The following MAF variants were observed in gnomAD, a reference collection of about 807,000 sequenced individuals.
MAF encodes transcription factor Maf.
MAF carries 10 observed loss-of-function variants against 22.0 expected under a neutral mutation model. The observed-to-expected ratio is 0.45, with a 90% CI of 0.28 to 0.77. The LOEUF (loss-of-function observed/expected upper bound fraction) is 0.77, where lower values mean the gene tolerates loss of function less well. MAF is among the 30% of genes least tolerant of loss of function. MAF has a pLI of 0.12. For missense variants in MAF, 544 were observed against 548.4 expected (o/e 0.99, Z 0.08); for synonymous variants, 337 against 255.8 (o/e 1.32, Z -3.03).
chr16:79,537,104 G>C, the MAF span, among the ~76,000 whole-genome samples: 3 of 152,136 alleles, frequency 2.0e-5, no homozygotes, highest in Admixed American at 2.0e-4. Context: ...GTGAGATCCT[G>C]GGAAGACTAC....
the MAF span, among the ~76,000 whole-genome samples, chr16:79,337,331 C>G: frequency 1.3e-5 from 2 of 152,052 alleles, no homozygotes; most frequent in Admixed American, 1.3e-4. Flanking sequence ...CAGCACTTTG[C>G]GAGGCCGAGG....
At chr16:79,502,203 G>A in the MAF span, among the ~76,000 whole-genome samples, 1 of 152,134 alleles carries the variant, frequency 6.6e-6, no homozygotes, top group Non-Finnish European at 1.5e-5. Flanking sequence ...GGCTCCTGAG[G>A]CCCGGCTACT....
chr16:79,242,039 G>T, the MAF span, among the ~76,000 whole-genome samples: 4 of 152,138 alleles, frequency 2.6e-5, no homozygotes, highest in East Asian at 7.7e-4. Context: ...GCTCCTGAAG[G>T]AAGCACTAAA....
chr16:79,298,362 C>T, the MAF span, among the ~76,000 whole-genome samples: 43 of 152,324 alleles, frequency 2.8e-4, no homozygotes, highest in South Asian at 4.3e-3. Flanking sequence ...CTCTTGTTTG[C>T]AAGGCTTGAA....
At chr16:79,503,751 A>T in the MAF span, among the ~76,000 whole-genome samples, 1 of 152,192 alleles carries the variant, frequency 6.6e-6, no homozygotes, top group East Asian at 1.9e-4. Context: ...GTGTGGCCCA[A>T]TCAGAGCAAC....
chr16:79,448,862 A>C, the MAF span, among the ~76,000 whole-genome samples: 1 of 152,126 alleles, frequency 6.6e-6, no homozygotes, highest in Non-Finnish European at 1.5e-5. Context: ...ATGGAAGATA[A>C]TATTTTCCCA....
chr16:79,556,199 C>G, the MAF span, among the ~76,000 whole-genome samples: 1 of 152,206 alleles, frequency 6.6e-6, no homozygotes, highest in Non-Finnish European at 1.5e-5. Flanking sequence ...ACCACTGTCT[C>G]TAAGCTTATT....
chr16:79,272,712 A>T, the MAF span, among the ~76,000 whole-genome samples: 1 of 152,100 alleles, frequency 6.6e-6, no homozygotes, highest in Admixed American at 6.5e-5. Flanking sequence ...CCATTCATTC[A>T]TTCTTTCCTC....
the MAF span, among the ~76,000 whole-genome samples, chr16:79,532,834 C>T: frequency 6.6e-6 from 1 of 152,208 alleles, no homozygotes; most frequent in Non-Finnish European, 1.5e-5. Context: ...TGGACCTTGT[C>T]TCGCCCTCCC....
At chr16:79,264,153 C>T in the MAF span, among the ~76,000 whole-genome samples, 2 of 152,136 alleles carry the variant, frequency 1.3e-5, no homozygotes, top group Admixed American at 1.3e-4. Context: ...GAAGTGAGAT[C>T]ATATTGTAGG....
At chr16:79,238,511 C>T in the MAF span, among the ~76,000 whole-genome samples, 10,968 of 152,062 alleles carry the variant, frequency 0.072, 584 homozygotes, top group Middle Eastern at 0.15. Flanking sequence ...ACATAACACT[C>T]ACTTAGTGCT....
the MAF span, among the ~76,000 whole-genome samples, chr16:79,306,183 A>G: frequency 6.6e-6 from 1 of 152,152 alleles, no homozygotes; most frequent in African/African-American, 2.4e-5. Flanking sequence ...CTGAAATGAG[A>G]CAGGCTATCA....
chr16:79,567,854 C>T, the MAF span, among the ~76,000 whole-genome samples: 1 of 152,186 alleles, frequency 6.6e-6, no homozygotes, highest in South Asian at 2.1e-4. Flanking sequence ...CTTTGAGTTC[C>T]CTATTTATTT....
the MAF span, among the ~76,000 whole-genome samples, chr16:79,443,069 A>G: frequency 6.6e-6 from 1 of 152,234 alleles, no homozygotes. Flanking sequence ...GAAGGAGGTA[A>G]CAAGTGTAAG....
At chr16:79,363,021 G>C in the MAF span, among the ~76,000 whole-genome samples, 1 of 152,118 alleles carries the variant, frequency 6.6e-6, no homozygotes, top group African/African-American at 2.4e-5. Context: ...AGTCATTTCA[G>C]CTTCAGAAAC....
the MAF span, among the ~76,000 whole-genome samples, chr16:79,426,498 T>A: frequency 3.9e-4 from 59 of 152,212 alleles, no homozygotes; most frequent in Non-Finnish European, 7.2e-4. Context: ...TACTGTTAGT[T>A]TCTTACTAAA....
At chr16:79,370,242 G>A in the MAF span, among the ~76,000 whole-genome samples, 1 of 152,106 alleles carries the variant, frequency 6.6e-6, no homozygotes, top group African/African-American at 2.4e-5. Context: ...AAAGGTAATT[G>A]GTTTTTTGAG....
the MAF span, among the ~76,000 whole-genome samples, chr16:79,294,565 A>G: frequency 6.6e-6 from 1 of 152,318 alleles, no homozygotes; most frequent in Non-Finnish European, 1.5e-5. Context: ...ATCCCTGGGA[A>G]ATATTTACGT....
chr16:79,574,846 T>C, the MAF span, among the ~76,000 whole-genome samples: 3 of 152,110 alleles, frequency 2.0e-5, no homozygotes, highest in Non-Finnish European at 4.4e-5. Context: ...AAAGCAACTG[T>C]TCATCCCTTT....
Sources: allele counts gnomAD v4.1 joint callset (sites outside exome capture counted in the v4.1 genomes callset), GRCh38; gene constraint gnomAD v4.1.1; transcripts MANE v1.5; gene names NCBI Gene and HGNC (gene_info 2026-07-23, HGNC 2026-07-21).